Variants in IMMP2L observed in about 807,000 individuals in gnomAD.
IMMP2L encodes the protein mitochondrial inner membrane protease subunit 2.
A neutral mutation model predicts 19.3 loss-of-function variants in IMMP2L; 18 were observed. That is an observed-to-expected ratio of 0.93 (90% CI 0.64 to 1.38). IMMP2L has a LOEUF of 1.38. IMMP2L is among the 40% of genes most tolerant of loss of function. IMMP2L has a pLI of 0.00. For synonymous variants in IMMP2L, 76 were observed against 73.0 expected (o/e 1.04, Z -0.21); for missense variants, 233 against 218.2 (o/e 1.07, Z -0.43).
chr7:111,514,272 C>CGAAA (rs1845693860), intron 2 of IMMP2L, among the ~76,000 whole-genome samples: 1 of 151,832 alleles, frequency 6.6e-6, no homozygotes, highest in East Asian at 1.9e-4. Flanking sequence ...CTACACATAT[C>CGAAA]AAAATATCAT....
At chr7:111,272,685 C>A (rs1818593903) in intron 3 of IMMP2L, among the ~76,000 whole-genome samples, 1 of 152,186 alleles carries the variant, frequency 6.6e-6, no homozygotes, top group Admixed American at 6.5e-5. Flanking sequence ...ACCAAGTTCA[C>A]AGAAATGTCC....
chr7:111,101,175 T>C (rs1346330033), intron 3 of IMMP2L, among the ~76,000 whole-genome samples: 2 of 151,538 alleles, frequency 1.3e-5, no homozygotes, highest in Non-Finnish European at 3.0e-5. Context: ...TTACTTGATA[T>C]AGACTTTTAT....
At chr7:110,739,815 A>C (rs977472258) in intron 5 of IMMP2L, among the ~76,000 whole-genome samples, 3 of 152,208 alleles carry the variant, frequency 2.0e-5, no homozygotes, top group African/African-American at 7.2e-5. Flanking sequence ...CACAGGCCAC[A>C]GAACAAGTCT....
intron 5 of IMMP2L, among the ~76,000 whole-genome samples, chr7:110,715,248 T>C (rs542489963): frequency 2.2e-4 from 33 of 152,310 alleles, no homozygotes; most frequent in Admixed American, 1.0e-3. Flanking sequence ...TCTTTGGATT[T>C]GGGGGTTTCA....
chr7:111,252,935 CTGTT>C (rs1426570719), intron 3 of IMMP2L, among the ~76,000 whole-genome samples: 2 of 152,094 alleles, frequency 1.3e-5, no homozygotes, highest in African/African-American at 2.4e-5. Context: ...AACTATGACT[CTGTT>C]TGTATCTATA....
intron 3 of IMMP2L, among the ~76,000 whole-genome samples, chr7:111,120,633 A>T (rs1353347355): frequency 2.0e-5 from 3 of 152,314 alleles, no homozygotes; most frequent in Non-Finnish European, 4.4e-5. Context: ...TAAAACAGCC[A>T]AATGTTAATC....
intron 2 of IMMP2L, among the ~76,000 whole-genome samples, chr7:111,517,763 G>A (rs557929607): frequency 3.3e-4 from 50 of 152,066 alleles, no homozygotes; most frequent in African/African-American, 1.1e-3. Context: ...AATTAATGTC[G>A]TGTAATGTGG....
intron 3 of IMMP2L, among the ~76,000 whole-genome samples, chr7:111,105,578 G>A (rs908051782): frequency 2.6e-5 from 4 of 151,926 alleles, no homozygotes; most frequent in African/African-American, 9.6e-5. Flanking sequence ...GCTGGCTGGG[G>A]GGAAAACACC....
intron 3 of IMMP2L, among the ~76,000 whole-genome samples, chr7:111,391,198 G>C (rs1228931898): frequency 6.6e-6 from 1 of 152,086 alleles, no homozygotes; most frequent in Non-Finnish European, 1.5e-5. Flanking sequence ...TAGAGGAACT[G>C]GAAAGACTGC....
intron 5 of IMMP2L, among the ~76,000 whole-genome samples, chr7:110,694,578 T>C (rs996277392): frequency 7.9e-5 from 12 of 152,080 alleles, no homozygotes; most frequent in African/African-American, 2.9e-4. Context: ...TCTGAGAAGG[T>C]ACTCAGGTCT....
intron 3 of IMMP2L, among the ~76,000 whole-genome samples, chr7:111,444,562 AT>A (rs547181045): frequency 6.6e-6 from 1 of 152,092 alleles, no homozygotes; most frequent in Non-Finnish European, 1.5e-5. Flanking sequence ...TAAGTGTTGA[AT>A]TTTTTTAAAT....
intron 3 of IMMP2L, among the ~76,000 whole-genome samples, chr7:111,050,485 C>A (rs544324081): frequency 1.3e-5 from 2 of 152,118 alleles, no homozygotes; most frequent in Non-Finnish European, 2.9e-5. Context: ...TCTCTCTCAC[C>A]CCGTTTCTAT....
At chr7:111,193,410 G>A (rs148829461) in intron 3 of IMMP2L, among the ~76,000 whole-genome samples, 173 of 152,148 alleles carry the variant, frequency 1.1e-3, no homozygotes, top group African/African-American at 3.9e-3. Context: ...ATAAAATTGA[G>A]GTGATTTTTG....
intron 4 of IMMP2L, among the ~76,000 whole-genome samples, chr7:110,909,749 C>G (rs1038920874): frequency 1.3e-5 from 2 of 152,270 alleles, no homozygotes; most frequent in Middle Eastern, 6.8e-3. Context: ...GCCGTTTCAT[C>G]CATCTCTATC....
At chr7:111,533,429 G>C (rs186159019) in intron 1 of IMMP2L, among the ~76,000 whole-genome samples, 4 of 152,104 alleles carry the variant, frequency 2.6e-5, no homozygotes, top group African/African-American at 9.7e-5. Flanking sequence ...AAGCTGACCC[G>C]CTCCTAAATT....
At chr7:111,270,146 C>A (rs1004898134) in intron 3 of IMMP2L, among the ~76,000 whole-genome samples, 2 of 151,168 alleles carry the variant, frequency 1.3e-5, no homozygotes, top group Non-Finnish European at 2.9e-5. Context: ...CTAGTGCCTA[C>A]AATGTAGCTG....
chr7:111,323,858 G>A (rs1373833802), intron 3 of IMMP2L, among the ~76,000 whole-genome samples: 8 of 152,022 alleles, frequency 5.3e-5, no homozygotes, highest in Admixed American at 2.6e-4. Context: ...GGATGAAGCT[G>A]GAAACCATCA....
chr7:111,313,618 T>C (rs1336711284), intron 3 of IMMP2L, among the ~76,000 whole-genome samples: 1 of 152,168 alleles, frequency 6.6e-6, no homozygotes, highest in Non-Finnish European at 1.5e-5. Flanking sequence ...ACTGTGTCTA[T>C]GTTCCTGACA....
intron 5 of IMMP2L, among the ~76,000 whole-genome samples, chr7:110,843,573 T>C (rs1805324701): frequency 6.6e-6 from 1 of 152,162 alleles, no homozygotes; most frequent in African/African-American, 2.4e-5. Flanking sequence ...TGAAGATTCA[T>C]CTTAGAACAA....
Sources: gnomAD v4.1 joint callset for allele counts (sites outside exome capture counted in the v4.1 genomes callset) on GRCh38, gnomAD v4.1.1 for gene constraint, MANE v1.5 for transcripts, NCBI Gene and HGNC (gene_info 2026-07-23, HGNC 2026-07-21) for gene names.